BACH2: variants seen among roughly 807,000 people sequenced by gnomAD.
BACH2 encodes the protein BACH transcriptional regulator 2, also known as transcription regulator protein BACH2.
In BACH2, 5 loss-of-function variants were observed where a neutral mutation model predicts 61.8. The observed-to-expected ratio is 0.08, with a 90% CI of 0.04 to 0.17. The LOEUF (loss-of-function observed/expected upper bound fraction) is 0.17, where lower values mean the gene tolerates loss of function less well. BACH2 is among the 10% of genes least tolerant of loss of function. BACH2 has a pLI of 1.00. For synonymous variants in BACH2, 446 were observed against 440.1 expected (o/e 1.01, Z -0.17); for missense variants, 824 against 1,091.1 (o/e 0.76, Z 3.45).
At chr6:90,231,380 A>C (rs1770091157) in intron 3 of BACH2, among the ~76,000 whole-genome samples, 1 of 152,154 alleles carries the variant, frequency 6.6e-6, no homozygotes, top group Non-Finnish European at 1.5e-5. Flanking sequence ...CGGGAATTTA[A>C]AAATTCCCTC....
intron 3 of BACH2, among the ~76,000 whole-genome samples, chr6:90,249,149 G>A (rs1770727531): frequency 6.6e-6 from 1 of 152,144 alleles, no homozygotes; most frequent in East Asian, 1.9e-4. Context: ...AGTCATAATG[G>A]AAATGACTCA....
chr6:90,164,838 A>G (rs1262866450), intron 4 of BACH2, among the ~76,000 whole-genome samples: 1 of 152,232 alleles, frequency 6.6e-6, no homozygotes. Context: ...ATAGATGCAG[A>G]AAAGGCCTTT....
At chr6:90,157,230 T>A (rs914853279) in intron 4 of BACH2, among the ~76,000 whole-genome samples, 5 of 152,248 alleles carry the variant, frequency 3.3e-5, no homozygotes, top group African/African-American at 1.2e-4. Context: ...TTTCGAAACA[T>A]ATGAGTTATT....
chr6:90,264,442 T>C (rs1011849749), intron 2 of BACH2, among the ~76,000 whole-genome samples: 1 of 152,200 alleles, frequency 6.6e-6, no homozygotes, highest in African/African-American at 2.4e-5. Context: ...GGTATATAAA[T>C]GTTCTTCATA....
chr6:90,161,926 G>A (rs1452786467), intron 4 of BACH2, among the ~76,000 whole-genome samples: 3 of 152,102 alleles, frequency 2.0e-5, no homozygotes, highest in Non-Finnish European at 4.4e-5. Flanking sequence ...ACCTCTGGCC[G>A]ATGAATTTAT....
At chr6:90,290,443 G>T (rs1194635430) in intron 1 of BACH2, among the ~76,000 whole-genome samples, 4 of 152,212 alleles carry the variant, frequency 2.6e-5, no homozygotes, top group Admixed American at 1.3e-4. Context: ...CCATGTAAGA[G>T]ATACTCAGTA....
At chr6:89,947,699 G>A (rs534181800) in intron 7 of BACH2, among the ~76,000 whole-genome samples, 319 of 151,488 alleles carry the variant, frequency 2.1e-3, no homozygotes, top group African/African-American at 7.3e-3. Context: ...CTGAGTAGCT[G>A]GGACTACAGG....
rs753759917 is a variant in BACH2 at position 90,008,707 on chromosome 6, C to A, written c.138G>T (p.Lys46Asn). ...LCDVTLIVER[K>N]EFRAHRAVLA... ...GCACAGCCCGGTGGGCCCGGAACTC[C>A]TTCCTCTCCACGATCAAAGTCACGT... The change falls in exon 6 of 9, where the codon AAG becomes AAT. Residue 46 changes from lysine to asparagine, a missense_variant. Transcript: ENST00000257749. This position sits in a 1 kb window ranked among gnomAD's most constrained non-coding sequence, Gnocchi z 4.1. 2 of 1,614,152 alleles carry A rather than the reference C, an allele frequency of 1.2e-6. No individual in the cohort carries two copies. Among genetic ancestry groups the A allele is most frequent in the South Asian group, 1.1e-5 (1 of 91,082 alleles).
At chr6:90,016,398 T>C (rs554017561) in intron 5 of BACH2, among the ~76,000 whole-genome samples, 41 of 152,346 alleles carry the variant, frequency 2.7e-4, no homozygotes, top group Middle Eastern at 3.4e-3. Context: ...ATTTCAATTA[T>C]TGGCATGTTG....
chr6:90,030,808 T>G lies in BACH2; in HGVS notation c.-12-21952A>C, dbSNP rs1040847132. ...GGGCTGGTACCATTCCTTCTGAAAC[T>G]ATTCCAATCAATAGAAAAAGAGGGA... On this transcript the variant is annotated intron_variant, in intron 5 of 8. Coordinates refer to ENST00000257749, the MANE Select transcript of BACH2 (RefSeq NM_021813.4). Among the ~76,000 whole-genome samples, 6 of 151,972 alleles carry G rather than the reference T, an allele frequency of 3.9e-5. No individual in the cohort carries two copies. The East Asian group carries it at 9.6e-4, about 24-fold the overall frequency.
At chr6:90,048,512 A>G (rs974255910) in intron 5 of BACH2, among the ~76,000 whole-genome samples, 1 of 152,220 alleles carries the variant, frequency 6.6e-6, no homozygotes, top group Non-Finnish European at 1.5e-5. Context: ...CTTTATGTTA[A>G]TTTGCCATTG....
rs143523498 is a variant in BACH2 at position 90,024,127 on chromosome 6, C to T, written c.-12-15271G>A. On this transcript the variant is annotated intron_variant, in intron 5 of 8. Coordinates refer to ENST00000257749, the MANE Select transcript of BACH2 (RefSeq NM_021813.4). The stretch of plus-strand genomic sequence containing the variant: ...TTAAGTTATACATTTGTTTTATGCA[C>T]TTTTCTACATCTACTATATATATAT... Among the ~76,000 whole-genome samples, 795 of 144,270 alleles carry T rather than the reference C, an allele frequency of 5.5e-3. 4 individuals carry two copies. The highest frequency in any genetic ancestry group is 6.8e-3 in the Non-Finnish European group (454 of 67,022). 94.6% of individuals were successfully genotyped at this position (144,270 alleles called of 152,430 possible). A position where few individuals can be genotyped will look rare whatever the true frequency, so the allele number is the denominator to read the frequency against.
At chr6:90,284,086 C>G (rs977456268) in intron 1 of BACH2, among the ~76,000 whole-genome samples, 2 of 152,110 alleles carry the variant, frequency 1.3e-5, no homozygotes, top group Non-Finnish European at 2.9e-5. Flanking sequence ...GTTGGTCTTA[C>G]AGTCTAGAAA....
intron 4 of BACH2, among the ~76,000 whole-genome samples, chr6:90,186,861 C>T (rs1041799303): frequency 2.6e-5 from 4 of 152,174 alleles, no homozygotes; most frequent in Admixed American, 6.5e-5. Flanking sequence ...GGTCTCACAA[C>T]GCCTCTGTGT....
At chr6:90,150,966 G>C (rs1452470138) in intron 4 of BACH2, among the ~76,000 whole-genome samples, 1 of 152,138 alleles carries the variant, frequency 6.6e-6, no homozygotes, top group Non-Finnish European at 1.5e-5. Flanking sequence ...CCATTAAACT[G>C]GGACACTTTT....
intron 6 of BACH2, among the ~76,000 whole-genome samples, chr6:89,971,910 G>A (rs1775382861): frequency 6.6e-6 from 1 of 152,184 alleles, no homozygotes; most frequent in Non-Finnish European, 1.5e-5. Flanking sequence ...GATGAGATGT[G>A]GGTGGGGACA....
intron 3 of BACH2, among the ~76,000 whole-genome samples, chr6:90,222,818 C>T (rs1044788827): frequency 1.3e-5 from 2 of 152,108 alleles, no homozygotes; most frequent in African/African-American, 4.8e-5. Flanking sequence ...TAGTCACCTG[C>T]TCTGTCCTTA....
At chr6:90,237,397 A>G (rs955716830) in intron 3 of BACH2, among the ~76,000 whole-genome samples, 6 of 152,240 alleles carry the variant, frequency 3.9e-5, no homozygotes, top group Non-Finnish European at 7.3e-5. Flanking sequence ...TGAAAGTTCC[A>G]GGTTGTCAGA....
chr6:90,177,113 C>T (rs1768007527), intron 4 of BACH2, among the ~76,000 whole-genome samples: 1 of 152,186 alleles, frequency 6.6e-6, no homozygotes, highest in African/African-American at 2.4e-5. Flanking sequence ...TGCCTTAACA[C>T]TATTATTCAT....
Sources: gnomAD v4.1 joint callset for allele counts (sites outside exome capture counted in the v4.1 genomes callset) on GRCh38, gnomAD v4.1.1 for gene constraint, Gnocchi (gnomAD v3.1) non-coding constraint, MANE v1.5 for transcripts, NCBI Gene and HGNC (gene_info 2026-07-23, HGNC 2026-07-21) for gene names.